The following CHCHD4 variants were observed in gnomAD, a reference collection of about 807,000 sequenced individuals.
CHCHD4 encodes the protein mitochondrial intermembrane space import and assembly protein 40.
A neutral mutation model predicts 12.4 loss-of-function variants in CHCHD4; 7 were observed. The observed-to-expected ratio is 0.57, with a 90% CI of 0.32 to 1.06. The LOEUF (loss-of-function observed/expected upper bound fraction) is 1.06, where lower values mean the gene tolerates loss of function less well. Among genes scored for constraint, CHCHD4 ranks in the 50% least tolerant of loss-of-function variants. The probability of loss-of-function intolerance (pLI) is 0.04; values close to 1 mark genes in which losing one functional copy is unlikely to be tolerated. For synonymous variants in CHCHD4, 56 were observed against 58.0 expected (o/e 0.97, Z 0.16); for missense variants, 143 against 175.1 (o/e 0.82, Z 1.03).
chr3:14,121,408 A>C (rs1402679706), intron 1 of CHCHD4, among the ~76,000 whole-genome samples: 1 of 152,210 alleles, frequency 6.6e-6, no homozygotes, highest in Admixed American at 6.5e-5. Flanking sequence ...CCATTAAGTG[A>C]GTGAGACCAA....
At chr3:14,115,832 TCA>T (rs1694870932) in intron 2 of CHCHD4, among the ~76,000 whole-genome samples, 1 of 152,156 alleles carries the variant, frequency 6.6e-6, no homozygotes, top group Admixed American at 6.5e-5. Context: ...CACATCCACC[TCA>T]CACGGTCTGC....
chr3:14,120,959 A>AGT (rs1694927554), intron 1 of CHCHD4, among the ~76,000 whole-genome samples: 1 of 152,188 alleles, frequency 6.6e-6, no homozygotes. Flanking sequence ...AGAGCTTATC[A>AGT]GTGGCTTGGA....
At chr3:14,124,352 C>A (rs1377393104) in intron 1 of CHCHD4, among the ~76,000 whole-genome samples, 1 of 152,208 alleles carries the variant, frequency 6.6e-6, no homozygotes, top group African/African-American at 2.4e-5. Context: ...ACGCAACGTG[C>A]TCGGCACTTC....
intron 2 of CHCHD4, among the ~76,000 whole-genome samples, chr3:14,113,618 T>C (rs1208984440): frequency 7.0e-6 from 1 of 143,250 alleles, no homozygotes; most frequent in South Asian, 2.5e-4. Flanking sequence ...CCCACCCCCA[T>C]GCTCCCTGCC....
At chr3:14,117,761 C>A (rs1055125494) in intron 1 of CHCHD4, among the ~76,000 whole-genome samples, 1 of 152,160 alleles carries the variant, frequency 6.6e-6, no homozygotes, top group Non-Finnish European at 1.5e-5. Flanking sequence ...TAGCAGCATC[C>A]CCTTTTAATG....
intron 2 of CHCHD4, among the ~76,000 whole-genome samples, chr3:14,113,953 T>C (rs9856296): frequency 0.27 from 41,820 of 152,158 alleles, 5,984 homozygotes; most frequent in East Asian, 0.42. Flanking sequence ...TATTTCTTGG[T>C]TTTCCAAAAT....
chr3:14,112,696 T>C lies in CHCHD4; in HGVS notation c.*191A>G. The C allele has an allele frequency of 5.3e-6, 3 of 567,106 alleles. No homozygotes were observed. The highest frequency in any genetic ancestry group is 6.1e-6 in the Non-Finnish European group (2 of 328,196). 35.1% of individuals were successfully genotyped at this position (567,106 alleles called of 1,614,324 possible). On this transcript the variant is annotated 3_prime_UTR_variant, in exon 3 of 3. Transcript: ENST00000396914. Reference sequence around the variant, plus strand: ...CAGGTTTGGGTAGGACACACATACATACAACCCCCATTTTTTTCAGTGTAT... The same window carrying C: ...CAGGTTTGGGTAGGACACACATACACACAACCCCCATTTTTTTCAGTGTAT...
chr3:14,116,085 C>CT, intron 2 of CHCHD4, among the ~76,000 whole-genome samples: 1 of 152,312 alleles, frequency 6.6e-6, no homozygotes, highest in South Asian at 2.1e-4. Context: ...GAATGACTGT[C>CT]TACTTGCTAA....
chr3:14,123,456 G>T (rs117293264), intron 1 of CHCHD4, among the ~76,000 whole-genome samples: 1 of 151,204 alleles, frequency 6.6e-6, no homozygotes. Flanking sequence ...ATGGCTTTAC[G>T]ACCCAGAGGA....
At chr3:14,120,137 G>A (rs1694917314) in intron 1 of CHCHD4, among the ~76,000 whole-genome samples, 2 of 152,056 alleles carry the variant, frequency 1.3e-5, no homozygotes, top group African/African-American at 4.8e-5. Context: ...GGAACTGGAG[G>A]CCCGAGGGGT....
At position 14,113,209 on chromosome 3, in the gene CHCHD4, T is replaced by C. The variant is rs377309984; in HGVS notation, c.122-15A>G. On this transcript the variant is annotated splice_polypyrimidine_tract_variant and intron_variant, in intron 2 of 2. Coordinates refer to ENST00000396914, the MANE Select transcript of CHCHD4 (RefSeq NM_001098502.2). ...CAGTATCAATCCTAGAACAGGAAGA[T>C]AGAGAGATGTTCTCTAAAGTTTCAG... 2 of 1,580,774 alleles carry C rather than the reference T, an allele frequency of 1.3e-6. No individual in the cohort carries two copies. The highest frequency in any genetic ancestry group is 2.2e-5 in the East Asian group (1 of 44,476).
chr3:14,123,955 A>T (rs1252912834), intron 1 of CHCHD4, among the ~76,000 whole-genome samples: 1 of 152,148 alleles, frequency 6.6e-6, no homozygotes, highest in African/African-American at 2.4e-5. Flanking sequence ...TGGGCACTAG[A>T]TTGGATAAGG....
intron 1 of CHCHD4, 146 bp downstream of exon 1, chr3:14,124,509 A>T (rs1694981489): frequency 1.7e-6 from 1 of 582,662 alleles, no homozygotes; most frequent in African/African-American, 2.0e-5. Flanking sequence ...GCGACCCCCC[A>T]GCCGGCCCGC....
chr3:14,118,713 G>C (rs1039274668), intron 1 of CHCHD4, among the ~76,000 whole-genome samples: 3 of 152,212 alleles, frequency 2.0e-5, no homozygotes, highest in Non-Finnish European at 2.9e-5. Flanking sequence ...GAAAGCTTTT[G>C]GACCAGGCAG....
chr3:14,118,386 G>A (rs1422002409), intron 1 of CHCHD4, among the ~76,000 whole-genome samples: 1 of 152,250 alleles, frequency 6.6e-6, no homozygotes, highest in African/African-American at 2.4e-5. Context: ...CAAGGAAAAA[G>A]GTTTGGGCCC....
intron 1 of CHCHD4, among the ~76,000 whole-genome samples, chr3:14,117,643 G>A (rs1159416554): frequency 2.6e-5 from 4 of 152,206 alleles, no homozygotes; most frequent in Admixed American, 6.5e-5. Flanking sequence ...ACTGCACGGT[G>A]GGTCATCAGT....
intron 1 of CHCHD4, among the ~76,000 whole-genome samples, chr3:14,123,612 G>A (rs1490261428): frequency 6.6e-6 from 1 of 152,156 alleles, no homozygotes; most frequent in Non-Finnish European, 1.5e-5. Flanking sequence ...CGGAGCTGGA[G>A]TATTCACCAA....
At chr3:14,121,885 A>C (rs756817046) in intron 1 of CHCHD4, 2 of 1,614,168 alleles carry the variant, frequency 1.2e-6, no homozygotes, top group Non-Finnish European at 1.7e-6. Flanking sequence ...TGTTAAGAAG[A>C]ATGCAAGTGT....
intron 1 of CHCHD4, among the ~76,000 whole-genome samples, chr3:14,118,843 G>C (rs1694903781): frequency 6.6e-6 from 1 of 152,196 alleles, no homozygotes; most frequent in African/African-American, 2.4e-5. Context: ...TGCAAATTTC[G>C]CAACTCAGCT....
Sources: allele counts gnomAD v4.1 joint callset (sites outside exome capture counted in the v4.1 genomes callset), GRCh38; gene constraint gnomAD v4.1.1; transcripts MANE v1.5; gene names NCBI Gene and HGNC (gene_info 2026-07-23, HGNC 2026-07-21).